Variants in TMEM245 observed in about 807,000 individuals in gnomAD.
TMEM245 encodes protein CG-2.
TMEM245 carries 69 observed loss-of-function variants against 101.2 expected under a neutral mutation model. The observed-to-expected ratio is 0.68, with a 90% CI of 0.56 to 0.83. The LOEUF (loss-of-function observed/expected upper bound fraction) is 0.83, where lower values mean the gene tolerates loss of function less well. TMEM245 is among the 40% of genes least tolerant of loss of function. TMEM245 has a pLI of 0.00. For synonymous variants in TMEM245, 537 were observed against 449.8 expected (o/e 1.19, Z -2.45); for missense variants, 1,075 against 1,092.8 (o/e 0.98, Z 0.23).
At chr9:109,026,098 T>C (rs1304076083) in intron 17 of TMEM245, among the ~76,000 whole-genome samples, 3 of 152,206 alleles carry the variant, frequency 2.0e-5, no homozygotes, top group Non-Finnish European at 4.4e-5. Context: ...AGCTCATGCT[T>C]CTGTAGATAC....
chr9:109,021,606 C>G (rs963161027), intron 17 of TMEM245, among the ~76,000 whole-genome samples: 2 of 152,182 alleles, frequency 1.3e-5, no homozygotes, highest in Admixed American at 6.5e-5. Flanking sequence ...CCTCTGCCTC[C>G]CAGGCTCAAG....
intron 7 of TMEM245, among the ~76,000 whole-genome samples, chr9:109,083,877 A>G (rs1829741555): frequency 2.1e-5 from 3 of 142,518 alleles, no homozygotes; most frequent in Admixed American, 7.2e-5. Context: ...GCAACATAGC[A>G]AAACCCCATC....
At chr9:109,054,049 G>A (rs1262928504) in intron 12 of TMEM245, among the ~76,000 whole-genome samples, 2 of 152,122 alleles carry the variant, frequency 1.3e-5, no homozygotes, top group South Asian at 2.1e-4. Flanking sequence ...AATAATTATT[G>A]GCTGGGCATG....
chr9:109,072,372 CGCTATT>C (rs1435531192), intron 9 of TMEM245, among the ~76,000 whole-genome samples: 1 of 152,186 alleles, frequency 6.6e-6, no homozygotes, highest in Non-Finnish European at 1.5e-5. Context: ...TGATTTAAAC[CGCTATT>C]GCTATAGATT....
intron 8 of TMEM245, among the ~76,000 whole-genome samples, chr9:109,079,458 C>T (rs185150190): frequency 4.5e-4 from 68 of 152,054 alleles, no homozygotes; most frequent in Non-Finnish European, 7.9e-4. Context: ...CAGTCTCTGA[C>T]GTTACATTTG....
At chr9:109,078,540 CT>C (rs1359383378) in intron 8 of TMEM245, among the ~76,000 whole-genome samples, 1 of 152,326 alleles carries the variant, frequency 6.6e-6, no homozygotes, top group East Asian at 1.9e-4. Context: ...TTTGAGATTT[CT>C]CCCTATGACT....
intron 3 of TMEM245, among the ~76,000 whole-genome samples, chr9:109,103,367 G>C (rs1026038992): frequency 1.3e-5 from 2 of 152,058 alleles, no homozygotes; most frequent in Admixed American, 6.6e-5. Context: ...GTATCAAAAA[G>C]AATAAGGAAT....
At chr9:109,071,268 T>C (rs1829323928) in intron 9 of TMEM245, among the ~76,000 whole-genome samples, 1 of 151,986 alleles carries the variant, frequency 6.6e-6, no homozygotes, top group Non-Finnish European at 1.5e-5. Flanking sequence ...TTCCACTGCA[T>C]AAATATACCA....
At chr9:109,109,186 C>T (rs1830505374) in intron 1 of TMEM245, among the ~76,000 whole-genome samples, 1 of 152,082 alleles carries the variant, frequency 6.6e-6, no homozygotes, top group African/African-American at 2.4e-5. Flanking sequence ...ATTAGAGGAA[C>T]AAACAGCAGG....
At chr9:109,105,716 G>A (rs903175003) in intron 3 of TMEM245, among the ~76,000 whole-genome samples, 2 of 151,958 alleles carry the variant, frequency 1.3e-5, no homozygotes, top group Non-Finnish European at 2.9e-5. Context: ...CTGAGGTAAT[G>A]AAAATGTCTT....
intron 1 of TMEM245, among the ~76,000 whole-genome samples, chr9:109,118,529 T>C (rs188932370): frequency 1.1e-4 from 17 of 152,316 alleles, no homozygotes; most frequent in African/African-American, 3.6e-4. Context: ...TAGATTACCT[T>C]TGAAATCTTT....
At chr9:109,113,548 A>G (rs1237301355) in intron 1 of TMEM245, among the ~76,000 whole-genome samples, 1 of 152,262 alleles carries the variant, frequency 6.6e-6, no homozygotes, top group Non-Finnish European at 1.5e-5. Context: ...AAATTTGGCA[A>G]CATTTACTTA....
chr9:109,034,004 TAA>T (rs1221220444), intron 16 of TMEM245, among the ~76,000 whole-genome samples: 1 of 152,236 alleles, frequency 6.6e-6, no homozygotes, highest in Non-Finnish European at 1.5e-5. Flanking sequence ...TAGGTGATGA[TAA>T]AAGGCCTCCT....
chr9:109,074,846 CA>C (rs1829448558), intron 8 of TMEM245, among the ~76,000 whole-genome samples: 1 of 152,130 alleles, frequency 6.6e-6, no homozygotes, highest in Non-Finnish European at 1.5e-5. Flanking sequence ...ACACAAAATA[CA>C]AACTGCACCA....
chr9:109,079,478 T>C (rs929743492), intron 8 of TMEM245, among the ~76,000 whole-genome samples: 6 of 152,050 alleles, frequency 3.9e-5, no homozygotes, highest in African/African-American at 1.4e-4. Context: ...GAGATGTCCA[T>C]TAAACATTCA....
intron 4 of TMEM245, among the ~76,000 whole-genome samples, chr9:109,091,682 T>C (rs1426909435): frequency 1.3e-5 from 2 of 152,114 alleles, no homozygotes; most frequent in Non-Finnish European, 2.9e-5. Flanking sequence ...ACAAAAACAA[T>C]GACAGATTTC....
At position 109,019,269 on chromosome 9, in the gene TMEM245, T is replaced by A. The variant is rs1278268703; in HGVS notation, c.*1191A>T. ...TAGAAGGAACACTAATACAGCAGAA[T>A]CTGCACACAACGGAGTCAAAGATCT... On this transcript the variant is annotated 3_prime_UTR_variant, in exon 18 of 18. Transcript: ENST00000374586. 3.9e-5 allele frequency: 6 copies of A among 152,322 alleles called. No individual in the cohort carries two copies. The highest frequency in any genetic ancestry group is 1.4e-4 in the African/African-American group (6 of 41,568). 9.4% of individuals were successfully genotyped at this position (152,322 alleles called of 1,614,324 possible). A position where few individuals can be genotyped will look rare whatever the true frequency, so the allele number is the denominator to read the frequency against.
At chr9:109,024,822 G>A (rs1216328375) in intron 17 of TMEM245, among the ~76,000 whole-genome samples, 1 of 152,244 alleles carries the variant, frequency 6.6e-6, no homozygotes, top group Non-Finnish European at 1.5e-5. Flanking sequence ...AGAAAGGCAT[G>A]AGAAGTCTGA....
chr9:109,053,543 T>C (rs1252468090), intron 12 of TMEM245, among the ~76,000 whole-genome samples: 1 of 152,210 alleles, frequency 6.6e-6, no homozygotes, highest in Non-Finnish European at 1.5e-5. Flanking sequence ...GAGTTCATTA[T>C]GAAACATACA....
Sources: gnomAD v4.1 joint callset for allele counts (sites outside exome capture counted in the v4.1 genomes callset) on GRCh38, gnomAD v4.1.1 for gene constraint, MANE v1.5 for transcripts, NCBI Gene and HGNC (gene_info 2026-07-23, HGNC 2026-07-21) for gene names.